The following PRKCB variants were observed in gnomAD, a reference collection of about 807,000 sequenced individuals.
The protein encoded by PRKCB is protein kinase C beta, also known as protein kinase C beta type.
In PRKCB, 13 loss-of-function variants were observed where a neutral mutation model predicts 81.5. The ratio of observed to expected loss-of-function variants is 0.16; its 90% confidence interval spans 0.10 to 0.25. The LOEUF (loss-of-function observed/expected upper bound fraction) is 0.25, where lower values mean the gene tolerates loss of function less well. Among genes scored for constraint, PRKCB ranks in the 10% least tolerant of loss-of-function variants. PRKCB has a pLI of 1.00. For synonymous variants in PRKCB, 335 were observed against 321.4 expected, an observed-to-expected ratio of 1.04 and a Z score of -0.45; for missense variants, 509 against 875.7, an observed-to-expected ratio of 0.58 and a Z score of 5.29.
At chr16:23,918,306 T>C (rs1234416972) in intron 2 of PRKCB, among the ~76,000 whole-genome samples, 2 of 152,206 alleles carry the variant, frequency 1.3e-5, no homozygotes, top group African/African-American at 2.4e-5. Context: ...AAGATACTTA[T>C]CTTTTCCCTA....
chr16:24,193,581 C>T (rs1452396967), intron 16 of PRKCB, among the ~76,000 whole-genome samples: 1 of 152,086 alleles, frequency 6.6e-6, no homozygotes, highest in Non-Finnish European at 1.5e-5. Context: ...TCCCAAAGTA[C>T]TAGGATTACA....
At chr16:24,010,481 G>A (rs1325187747) in intron 3 of PRKCB, among the ~76,000 whole-genome samples, 3 of 152,174 alleles carry the variant, frequency 2.0e-5, no homozygotes, top group African/African-American at 7.2e-5. Flanking sequence ...ACATCGGAGG[G>A]GAGAAGGGAA....
intron 2 of PRKCB, among the ~76,000 whole-genome samples, chr16:23,862,916 C>A (rs1962698274): frequency 6.6e-6 from 1 of 151,558 alleles, no homozygotes; most frequent in Non-Finnish European, 1.5e-5. Flanking sequence ...TTGGCAGTGT[C>A]CAGCTATCCC....
intron 7 of PRKCB, 146 bp downstream of exon 7, chr16:24,094,443 ATGTTT>A: frequency 1.7e-6 from 2 of 1,166,614 alleles, no homozygotes; most frequent in Admixed American, 4.9e-5. Context: ...CCTTGCAGAT[ATGTTT>A]TGTTTGGTCC....
intron 3 of PRKCB, among the ~76,000 whole-genome samples, chr16:23,990,342 T>C (rs1203218223): frequency 2.6e-5 from 4 of 151,648 alleles, no homozygotes; most frequent in Non-Finnish European, 5.9e-5. Context: ...CCTGTAGTCC[T>C]AGCTCCTTGG....
intron 16 of PRKCB, among the ~76,000 whole-genome samples, chr16:24,193,611 A>G (rs1279336875): frequency 6.6e-6 from 1 of 152,128 alleles, no homozygotes; most frequent in East Asian, 1.9e-4. Flanking sequence ...CACTGCACCC[A>G]GCCAAGAGAA....
At chr16:23,864,607 AGACCTGCATTGG>A (rs1962740040) in intron 2 of PRKCB, among the ~76,000 whole-genome samples, 1 of 152,220 alleles carries the variant, frequency 6.6e-6, no homozygotes, top group East Asian at 1.9e-4. Context: ...CTTATAGCAG[AGACCTGCATTGG>A]GAGTTGCTGT....
chr16:23,915,680 ACTCT>A (rs1445385164), intron 2 of PRKCB, among the ~76,000 whole-genome samples: 3 of 97,518 alleles, frequency 3.1e-5, no homozygotes, highest in East Asian at 7.0e-4. Context: ...CAAGAGTGAG[ACTCT>A]CTATCAAAAA....
chr16:24,117,335 T>C (rs1966747449), intron 8 of PRKCB, among the ~76,000 whole-genome samples: 1 of 152,198 alleles, frequency 6.6e-6, no homozygotes, highest in African/African-American at 2.4e-5. Context: ...ACATCAGAGC[T>C]GGCTGTTTGC....
intron 2 of PRKCB, among the ~76,000 whole-genome samples, chr16:23,981,641 T>C (rs1009337411): frequency 3.6e-5 from 5 of 140,668 alleles, no homozygotes; most frequent in Middle Eastern, 7.2e-3. Context: ...TTTCCCTTTC[T>C]TTTCTCCTTC....
At chr16:23,838,401 TG>T (rs1296953017) in intron 2 of PRKCB, among the ~76,000 whole-genome samples, 1 of 152,224 alleles carries the variant, frequency 6.6e-6, no homozygotes, top group East Asian at 1.9e-4. Flanking sequence ...TTCTGGCCCC[TG>T]TGGGCATTTA....
chr16:23,989,456 A>G (rs1226860919), intron 3 of PRKCB, among the ~76,000 whole-genome samples: 3 of 152,192 alleles, frequency 2.0e-5, no homozygotes, highest in African/African-American at 7.2e-5. Context: ...CATGAATCTC[A>G]AAGTATGACT....
intron 5 of PRKCB, among the ~76,000 whole-genome samples, chr16:24,057,022 A>G (rs1290071949): frequency 6.6e-6 from 1 of 152,162 alleles, no homozygotes; most frequent in South Asian, 2.1e-4. Context: ...TATGGCCACT[A>G]AAATGGAAGG....
chr16:24,017,210 A>G (rs1358125896), intron 3 of PRKCB, among the ~76,000 whole-genome samples: 1 of 152,250 alleles, frequency 6.6e-6, no homozygotes, highest in African/African-American at 2.4e-5. Flanking sequence ...ATATTAAAAA[A>G]TGAGCCGAGA....
chr16:24,138,248 G>A (rs879403999), intron 9 of PRKCB, among the ~76,000 whole-genome samples: 26 of 152,130 alleles, frequency 1.7e-4, no homozygotes, highest in Non-Finnish European at 3.2e-4. Context: ...GCTGAAACCC[G>A]TTCTCTATTA....
At chr16:24,126,518 T>A (rs1158822541) in intron 9 of PRKCB, among the ~76,000 whole-genome samples, 1 of 152,056 alleles carries the variant, frequency 6.6e-6, no homozygotes, top group East Asian at 1.9e-4. Flanking sequence ...CAAGTTCACA[T>A]CTTTCTCTGA....
At chr16:24,092,474 C>T (rs537893636) in intron 5 of PRKCB, among the ~76,000 whole-genome samples, 1 of 152,240 alleles carries the variant, frequency 6.6e-6, no homozygotes, top group South Asian at 2.1e-4. Context: ...ACTTTGAAAA[C>T]GTTATGCTAA....
At chr16:24,182,457 G>C (rs1967640661) in intron 13 of PRKCB, among the ~76,000 whole-genome samples, 1 of 152,128 alleles carries the variant, frequency 6.6e-6, no homozygotes, top group Non-Finnish European at 1.5e-5. Context: ...GCAGGTAGAG[G>C]CTGCAGTAAG....
intron 2 of PRKCB, among the ~76,000 whole-genome samples, chr16:23,967,816 C>A (rs990906731): frequency 6.6e-6 from 1 of 152,188 alleles, no homozygotes; most frequent in African/African-American, 2.4e-5. Context: ...CCATGCCCAG[C>A]TAATTTTTGT....
Sources: gnomAD v4.1 joint callset for allele counts (sites outside exome capture counted in the v4.1 genomes callset) on GRCh38, gnomAD v4.1.1 for gene constraint, MANE v1.5 for transcripts, NCBI Gene and HGNC (gene_info 2026-07-23, HGNC 2026-07-21) for gene names.